Variants in PDK1 observed in about 807,000 individuals in gnomAD.
PDK1 encodes the protein [Pyruvate dehydrogenase (acetyl-transferring)] kinase isozyme 1, mitochondrial.
PDK1 carries 39 observed loss-of-function variants against 54.2 expected under a neutral mutation model. The ratio of observed to expected loss-of-function variants is 0.72; its 90% CI spans 0.56 to 0.94. PDK1 has a LOEUF of 0.94. Ranked by LOEUF, PDK1 falls within the 40% of genes least tolerant of loss-of-function variation. The pLI is 0.00. For missense variants in PDK1, 552 were observed against 566.0 expected (o/e 0.98, Z 0.25); for synonymous variants, 221 against 207.1 (o/e 1.07, Z -0.58).
chr2:172,713,667 G>A, the PDK1 span, among the ~76,000 whole-genome samples: 6 of 152,242 alleles, frequency 3.9e-5, no homozygotes, highest in African/African-American at 1.4e-4. Context: ...GCCAGGCAAC[G>A]CGGGCAGGCA....
chr2:172,687,016 T>C, the PDK1 span, among the ~76,000 whole-genome samples: 2 of 152,226 alleles, frequency 1.3e-5, no homozygotes, highest in African/African-American at 2.4e-5. Flanking sequence ...TTTTTAGGAA[T>C]ATAAGCACTT....
chr2:172,698,831 ATC>A, the PDK1 span, among the ~76,000 whole-genome samples: 3 of 152,210 alleles, frequency 2.0e-5, no homozygotes, highest in Non-Finnish European at 4.4e-5. Context: ...GTAAATGAGA[ATC>A]TCTTGCAGGA....
the PDK1 span, among the ~76,000 whole-genome samples, chr2:172,638,011 T>A: frequency 6.6e-6 from 1 of 152,132 alleles, no homozygotes; most frequent in Non-Finnish European, 1.5e-5. Flanking sequence ...TATTTTTTTT[T>A]AAATGGAGTA....
the PDK1 span, among the ~76,000 whole-genome samples, chr2:172,721,221 T>G: frequency 0.056 from 8,511 of 152,322 alleles, 332 homozygotes; most frequent in Middle Eastern, 0.11. Flanking sequence ...CTTAACTATC[T>G]GATGGGTTCA....
chr2:172,654,586 A>T, the PDK1 span, among the ~76,000 whole-genome samples: 1 of 151,284 alleles, frequency 6.6e-6, no homozygotes, highest in Non-Finnish European at 1.5e-5. Flanking sequence ...CAGGGTGGGG[A>T]ACATCACACA....
At chr2:172,650,606 A>G in the PDK1 span, among the ~76,000 whole-genome samples, 8 of 152,300 alleles carry the variant, frequency 5.3e-5, no homozygotes, top group Admixed American at 2.0e-4. Flanking sequence ...AGAGACACAC[A>G]TAGGCTCAAA....
At chr2:172,569,078 A>G (rs947214914) in intron 7 of PDK1, among the ~76,000 whole-genome samples, 17 of 152,152 alleles carry the variant, frequency 1.1e-4, no homozygotes, top group Non-Finnish European at 2.2e-4. Context: ...TGGGCAAGTC[A>G]CTCAACCTCT....
chr2:172,715,298 G>A, the PDK1 span, among the ~76,000 whole-genome samples: 786 of 152,260 alleles, frequency 5.2e-3, 8 homozygotes, highest in African/African-American at 0.018. Flanking sequence ...GAGGAACTGG[G>A]AAGAGATGGA....
intron 1 of PDK1, 150 bp from the exon 2 acceptor site, chr2:172,558,558 G>T: frequency 3.1e-6 from 2 of 641,652 alleles, no homozygotes; most frequent in South Asian, 2.2e-5. Context: ...CCACAGGCAG[G>T]TGTATCTTTG....
At chr2:172,623,383 G>A in the PDK1 span, among the ~76,000 whole-genome samples, 3 of 152,098 alleles carry the variant, frequency 2.0e-5, no homozygotes, top group Non-Finnish European at 4.4e-5. Flanking sequence ...AAATGCAAGT[G>A]CTAAGCCAAA....
the PDK1 span, among the ~76,000 whole-genome samples, chr2:172,657,718 T>C: frequency 6.6e-6 from 1 of 152,116 alleles, no homozygotes; most frequent in Admixed American, 6.6e-5. Flanking sequence ...TGAAAGATGC[T>C]CTCCCTATGC....
chr2:172,622,759 CATTAT>C, the PDK1 span, among the ~76,000 whole-genome samples: 1 of 142,474 alleles, frequency 7.0e-6, no homozygotes, highest in African/African-American at 2.6e-5. Flanking sequence ...GTTTATATCT[CATTAT>C]GTGAGATGTT....
chr2:172,575,190 A>T (rs1689511369), intron 8 of PDK1, among the ~76,000 whole-genome samples: 1 of 152,168 alleles, frequency 6.6e-6, no homozygotes, highest in Non-Finnish European at 1.5e-5. Context: ...CCAACCTTGC[A>T]TTCTTGGGAT....
At chr2:172,710,910 C>T in the PDK1 span, among the ~76,000 whole-genome samples, 13 of 152,220 alleles carry the variant, frequency 8.5e-5, no homozygotes, top group South Asian at 2.1e-4. Context: ...AATTACATCA[C>T]GTAACTAAAT....
chr2:172,670,160 C>T, the PDK1 span, among the ~76,000 whole-genome samples: 7 of 152,164 alleles, frequency 4.6e-5, 1 homozygote, highest in African/African-American at 1.4e-4. Context: ...TCAAGTGATT[C>T]GCCCACGTTA....
chr2:172,712,004 A>G, the PDK1 span, among the ~76,000 whole-genome samples: 1 of 151,680 alleles, frequency 6.6e-6, no homozygotes, highest in Non-Finnish European at 1.5e-5. Flanking sequence ...TATATTAGTT[A>G]CATATATTTA....
intron 6 of PDK1, 127 bp downstream of exon 6, chr2:172,567,060 G>A: frequency 1.9e-6 from 1 of 519,124 alleles, no homozygotes; most frequent in Non-Finnish European, 3.4e-6. Context: ...CTAAAGGATA[G>A]TAATCATGTA....
At chr2:172,581,648 C>G (rs1433705930) in intron 8 of PDK1, among the ~76,000 whole-genome samples, 1 of 152,202 alleles carries the variant, frequency 6.6e-6, no homozygotes, top group Non-Finnish European at 1.5e-5. Flanking sequence ...CCTCTCTTTA[C>G]ATGTTGAATT....
At chr2:172,573,818 G>A (rs1360121138) in intron 8 of PDK1, among the ~76,000 whole-genome samples, 2 of 151,922 alleles carry the variant, frequency 1.3e-5, no homozygotes, top group Non-Finnish European at 2.9e-5. Context: ...AAATAGAGAT[G>A]GGGTCTTGCT....
Sources: gnomAD v4.1 joint callset for allele counts (sites outside exome capture counted in the v4.1 genomes callset) on GRCh38, gnomAD v4.1.1 for gene constraint, MANE v1.5 for transcripts, NCBI Gene and HGNC (gene_info 2026-07-23, HGNC 2026-07-21) for gene names.